Variants in DNAH9 observed in about 807,000 individuals in gnomAD.
The protein encoded by DNAH9 is dynein axonemal heavy chain 9.
A neutral mutation model predicts 471.6 loss-of-function variants in DNAH9; 345 were observed. That is an observed-to-expected ratio of 0.73 (90% CI 0.67 to 0.80). The LOEUF (loss-of-function observed/expected upper bound fraction) is 0.80. DNAH9 is among the 30% of genes least tolerant of loss of function. DNAH9 has a pLI of 0.00. For missense variants in DNAH9, 5,407 were observed against 5,609.2 expected (o/e 0.96, Z 1.15); for synonymous variants, 2,093 against 2,123.6 (o/e 0.99, Z 0.40).
At chr17:11,716,082 CTTTTT>C (rs61643065) in intron 26 of DNAH9, among the ~76,000 whole-genome samples, 19 of 132,450 alleles carry the variant, frequency 1.4e-4, no homozygotes, top group South Asian at 9.9e-4. Flanking sequence ...TTTTCTTTCT[CTTTTT>C]TTTTTTTTTT....
chr17:11,742,746 A>G (rs1275657935), intron 30 of DNAH9, among the ~76,000 whole-genome samples: 1 of 152,230 alleles, frequency 6.6e-6, no homozygotes, highest in Non-Finnish European at 1.5e-5. Flanking sequence ...AAATTCACAG[A>G]AAAATTGCAC....
At chr17:11,887,688 A>G (rs1225484175) in intron 57 of DNAH9, among the ~76,000 whole-genome samples, 1 of 152,102 alleles carries the variant, frequency 6.6e-6, no homozygotes, top group Non-Finnish European at 1.5e-5. Flanking sequence ...GAAACAGGAG[A>G]GAGAGACCAT....
Position 11,659,565 on chromosome 17 carries a change from C to G in DNAH9, c.2596-5268C>G, listed in dbSNP as rs191745439. Among the ~76,000 whole-genome samples, 368 of 152,318 alleles carry G rather than the reference C, an allele frequency of 2.4e-3. 12 individuals are homozygous for G. The highest frequency in any genetic ancestry group is 9.1e-4 in the Non-Finnish European group (62 of 68,028). ...GTCCAGACTCACTGGCCCCTTGCTC[C>G]TTGCTCTCCCAAGATCATAAATTCA... On this transcript the variant is annotated intron_variant, in intron 14 of 68. Coordinates refer to ENST00000262442, the MANE Select transcript of DNAH9 (RefSeq NM_001372.4).
Position 11,904,610 on chromosome 17 carries a change from G to A in DNAH9, c.11601-1051G>A, listed in dbSNP as rs573680080. Among the ~76,000 whole-genome samples, 6 of 131,872 alleles carry A rather than the reference G, an allele frequency of 4.5e-5. No individual in the cohort carries two copies. The South Asian group carries it at 9.4e-4, about 21-fold the overall frequency. The allele number at this position is 131,872 out of a possible 152,430, so 86.5% of individuals were successfully genotyped here. Reference sequence around the variant, plus strand: ...CGCACCACTGCACTCCAGCCTGGGCGACAGAGTGAGACTCCATCTCAAAAA... The same window carrying A: ...CGCACCACTGCACTCCAGCCTGGGCAACAGAGTGAGACTCCATCTCAAAAA... On this transcript the variant is annotated intron_variant, in intron 60 of 68. Coordinates refer to ENST00000262442, the MANE Select transcript of DNAH9 (RefSeq NM_001372.4).
intron 28 of DNAH9, among the ~76,000 whole-genome samples, chr17:11,737,179 C>T (rs1461857698): frequency 6.6e-6 from 1 of 152,232 alleles, no homozygotes; most frequent in Non-Finnish European, 1.5e-5. Flanking sequence ...CAGTTTCAAA[C>T]TAATTGCTGT....
rs908099526 is a variant in DNAH9, at chr17:11,665,002, G to A, written c.2731+34G>A. ...TGGCTTATGGATGTGGGTTATTATTGGAAAGATAACAACAGTAACATTTGT... is the reference window on the plus strand; with the variant it reads ...TGGCTTATGGATGTGGGTTATTATTAGAAAGATAACAACAGTAACATTTGT... On this transcript the variant is annotated intron_variant, in intron 15 of 68. Transcript: ENST00000262442. 2.5e-6 allele frequency: 4 copies of A among 1,586,586 alleles called. No homozygotes were observed. The African/African-American group carries it at 4.1e-5, about 16-fold the overall frequency.
chr17:11,708,065 C>A (rs1042009328), intron 26 of DNAH9, among the ~76,000 whole-genome samples: 2 of 132,556 alleles, frequency 1.5e-5, no homozygotes, highest in African/African-American at 2.9e-5. Context: ...AGCAGGTAAC[C>A]CTGACAGAGC....
At chr17:11,673,413 A>C (rs2074001048) in intron 17 of DNAH9, among the ~76,000 whole-genome samples, 2 of 152,064 alleles carry the variant, frequency 1.3e-5, no homozygotes, top group African/African-American at 4.8e-5. Context: ...TACCTTCTTA[A>C]ATATTCCCTA....
At chr17:11,613,495 A>G (rs757095103) in intron 4 of DNAH9, among the ~76,000 whole-genome samples, 16 of 152,110 alleles carry the variant, frequency 1.1e-4, no homozygotes, top group Non-Finnish European at 1.9e-4. Flanking sequence ...GTCCCAGCTA[A>G]TTGGGAGGCT....
At chr17:11,939,728 C>T (rs1028252223) in intron 66 of DNAH9, among the ~76,000 whole-genome samples, 1 of 152,076 alleles carries the variant, frequency 6.6e-6, no homozygotes, top group African/African-American at 2.4e-5. Flanking sequence ...CCCATGTTTA[C>T]ATCTATATGA....
intron 50 of DNAH9, among the ~76,000 whole-genome samples, chr17:11,866,614 C>A (rs1274152146): frequency 1.3e-5 from 2 of 152,186 alleles, no homozygotes; most frequent in Non-Finnish European, 2.9e-5. Flanking sequence ...CTGTGCCCTG[C>A]CCCCAGAGGT....
At chr17:11,909,989 G>A (rs1973739403) in intron 61 of DNAH9, among the ~76,000 whole-genome samples, 1 of 152,150 alleles carries the variant, frequency 6.6e-6, no homozygotes, top group African/African-American at 2.4e-5. Context: ...GGGCGTGGTG[G>A]CTCACGCCTG....
intron 28 of DNAH9, among the ~76,000 whole-genome samples, chr17:11,733,876 A>AAAAAC (rs1480994426): frequency 4.0e-5 from 6 of 151,330 alleles, no homozygotes; most frequent in African/African-American, 1.5e-4. Flanking sequence ...AAAAAAAAAA[A>AAAAAC]AAAGTAAAAC....
rs12944013 is a variant in DNAH9 at position 11,907,532 on chromosome 17, C to A, written c.11749+1723C>A. On this transcript the variant is annotated intron_variant, in intron 61 of 68. Transcript: ENST00000262442. ...GTGTAATGAGGCATGTCTGACCCCC[C>A]CTTCCCATCATGGCCTGAACTAGTT... Among the ~76,000 whole-genome samples the A allele has an allele frequency of 2.1e-3, 323 of 151,824 alleles. 2 individuals are homozygous for A. The highest frequency in any genetic ancestry group is 3.5e-3 in the Non-Finnish European group (235 of 67,968).
At chr17:11,647,230 T>C (rs758350368) in intron 12 of DNAH9, 32 bp downstream of exon 12, 1 of 1,603,372 alleles carries the variant, frequency 6.2e-7, no homozygotes, top group Non-Finnish European at 8.5e-7. Context: ...CTCTTTTGGG[T>C]TCCTGAAGAG....
rs185649715 is a variant in DNAH9, at chr17:11,875,387, A to G, written c.10478+203A>G. Among the ~76,000 whole-genome samples, 58 of 152,282 alleles carry G rather than the reference A, an allele frequency of 3.8e-4. No individual in the cohort carries two copies. The East Asian group carries it at 0.01, about 27-fold the overall frequency. On this transcript the variant is annotated intron_variant, in intron 53 of 68. Transcript: ENST00000262442. ...TCTTTGCTTTTTATCCACATGAGAA[A>G]TTATGTACCACAACCTCTCGACCCA...
chr17:11,810,479 G>C, intron 45 of DNAH9, 110 bp downstream of exon 45: 1 of 1,381,070 alleles, frequency 7.2e-7, no homozygotes, highest in African/African-American at 1.5e-5. Context: ...TAGTAATGAG[G>C]AAGAAAACTG....
At chr17:11,922,693 T>A (rs1449783591) in intron 61 of DNAH9, among the ~76,000 whole-genome samples, 3 of 152,212 alleles carry the variant, frequency 2.0e-5, no homozygotes, top group African/African-American at 7.2e-5. Context: ...TTCACTCTAA[T>A]TCGTGCAAAA....
At chr17:11,615,499 A>G (rs967411231) in intron 4 of DNAH9, among the ~76,000 whole-genome samples, 6 of 151,888 alleles carry the variant, frequency 4.0e-5, no homozygotes, top group African/African-American at 7.3e-5. Flanking sequence ...GCAGGAGAAT[A>G]GACTAAACCA....
Sources: gnomAD v4.1 joint callset for allele counts (sites outside exome capture counted in the v4.1 genomes callset) on GRCh38, gnomAD v4.1.1 for gene constraint, MANE v1.5 for transcripts, NCBI Gene and HGNC (gene_info 2026-07-23, HGNC 2026-07-21) for gene names.